CFAP70: variants seen among roughly 807,000 people sequenced by gnomAD.
The protein encoded by CFAP70 is cilia and flagella associated protein 70, also known as cilia- and flagella-associated protein 70.
CFAP70 carries 81 observed loss-of-function variants against 137.6 expected under a neutral mutation model. The ratio of observed to expected loss-of-function variants is 0.59; its 90% confidence interval spans 0.49 to 0.71. The LOEUF is 0.71. CFAP70 is among the 30% of genes least tolerant of loss of function. The pLI is 0.00. For synonymous variants in CFAP70, 382 were observed against 423.6 expected, an observed-to-expected ratio of 0.90 and a Z score of 1.20; for missense variants, 976 against 1,226.7, an observed-to-expected ratio of 0.80 and a Z score of 3.05.
At position 73,256,358 on chromosome 10, in the gene CFAP70, C is replaced by T. The variant is rs755961743; in HGVS notation, c.3075+11G>A. On this transcript the variant is annotated intron_variant, in intron 26 of 26. Coordinates refer to ENST00000310715, the Ensembl canonical transcript of CFAP70. Reference sequence around the variant, plus strand: ...TGGGGCAGGCAAATGACAGAGGCATCTGTGTCATACCTTGATCATGTACTT... The same window carrying T: ...TGGGGCAGGCAAATGACAGAGGCATTTGTGTCATACCTTGATCATGTACTT... 9 of 1,614,094 alleles carry T rather than the reference C, an allele frequency of 5.6e-6. No individual in the cohort carries two copies. The highest frequency in any genetic ancestry group is 7.6e-6 in the Non-Finnish European group (9 of 1,179,974).
intron 9 of CFAP70, among the ~76,000 whole-genome samples, chr10:73,313,406 G>A (rs2050090395): frequency 6.6e-6 from 1 of 150,550 alleles, no homozygotes; most frequent in Non-Finnish European, 1.5e-5. Context: ...AGCGAGGTAT[G>A]GTGGCACATG....
At chr10:73,259,170 A>C (rs2044868756) in intron 25 of CFAP70, among the ~76,000 whole-genome samples, 1 of 152,074 alleles carries the variant, frequency 6.6e-6, no homozygotes. Context: ...CCCAGATTTA[A>C]AATTTCTCCT....
At chr10:73,270,527 CTCCCCTCCCCTCCCCT>C (rs2133718119) in intron 24 of CFAP70, among the ~76,000 whole-genome samples, 1 of 50,602 alleles carries the variant, frequency 2.0e-5, no homozygotes, top group Non-Finnish European at 4.1e-5. Flanking sequence ...TCCCCTCCCC[CTCCCCTCCCCTCCCCT>C]TCCCTTCTCT....
intron 12 of CFAP70, among the ~76,000 whole-genome samples, chr10:73,309,630 C>A (rs1352153967): frequency 6.6e-6 from 1 of 150,400 alleles, no homozygotes; most frequent in African/African-American, 2.5e-5. Context: ...TTTTTATATA[C>A]TTTCTTGTTC....
At chr10:73,287,932 C>G (rs2047870952) in intron 19 of CFAP70, among the ~76,000 whole-genome samples, 3 of 152,016 alleles carry the variant, frequency 2.0e-5, no homozygotes, top group Admixed American at 1.3e-4. Flanking sequence ...GAGTCTGGCT[C>G]TGTCACCCAG....
At chr10:73,255,897 T>G (rs548352014) in intron 26 of CFAP70, among the ~76,000 whole-genome samples, 1 of 152,184 alleles carries the variant, frequency 6.6e-6, no homozygotes, top group Non-Finnish European at 1.5e-5. Context: ...CATTCACTTA[T>G]GTATCACCTA....
At position 73,278,271 on chromosome 10, in the gene CFAP70, G is replaced by T. The variant is rs2046946440; in HGVS notation, c.2306C>A (p.Ser769Ter). 6.2e-7 allele frequency: 1 copy of T among 1,613,894 alleles called. No homozygotes were observed. Among genetic ancestry groups the T allele is most frequent in the African/African-American group, 1.3e-5 (1 of 74,906 alleles). Residue 769 changes from serine to a stop codon, truncating the protein, a stop_gained, in exon 20 of 27, where the codon TCA (serine) becomes TAA (stop). Coordinates refer to ENST00000310715, the Ensembl canonical transcript of CFAP70. LOFTEE classifies it high-confidence loss of function. The stretch of plus-strand genomic sequence containing the variant: ...TTGTGTAGTCAAAATGGGTTCTTGT[G>T]AATCAGACTGCAGTTTGGAGGATTC...
At chr10:73,321,798 T>C (rs1283203253) in intron 9 of CFAP70, among the ~76,000 whole-genome samples, 1 of 152,192 alleles carries the variant, frequency 6.6e-6, no homozygotes, top group Admixed American at 6.5e-5. Context: ...ATATATATAT[T>C]TTTAAGACAG....
chr10:73,282,826 CTTT>C (rs1203127459), intron 19 of CFAP70, among the ~76,000 whole-genome samples: 6 of 90,922 alleles, frequency 6.6e-5, no homozygotes, highest in East Asian at 3.7e-4. Flanking sequence ...TTCCTGTTAT[CTTT>C]TTTTTTTTTT....
At position 73,336,110 on chromosome 10, in the gene CFAP70, T is replaced by A. The variant is rs2052631638; in HGVS notation, c.583-586A>T. Among the ~76,000 whole-genome samples, 4 of 151,398 alleles carry A rather than the reference T, an allele frequency of 2.6e-5. No homozygotes were observed. The South Asian group carries it at 6.3e-4, about 24-fold the overall frequency. Reference sequence around the variant, plus strand: ...GAGCCTCAATAATCGCACCATTGCATTCCAGCCTGGGTGACAGAGACCCTG... The same window carrying A: ...GAGCCTCAATAATCGCACCATTGCAATCCAGCCTGGGTGACAGAGACCCTG... On this transcript the variant is annotated intron_variant, in intron 6 of 26. Transcript: ENST00000310715.
Position 73,275,325 on chromosome 10 carries a change from G to A in CFAP70, c.2673+121C>T, listed in dbSNP as rs2046633370. The A allele has an allele frequency of 1.7e-6, 2 of 1,155,188 alleles. No individual in the cohort carries two copies. Among genetic ancestry groups the A allele is most frequent in the Non-Finnish European group, 2.4e-6 (2 of 823,888 alleles). 71.6% of individuals were successfully genotyped at this position (1,155,188 alleles called of 1,614,324 possible). A position where few individuals can be genotyped will look rare whatever the true frequency, so the allele number is the denominator to read the frequency against. Reference sequence around the variant, plus strand: ...AGCAAATGGAAGGGTATAGAGAGATGAGTTTACTGACAGCTGATGACCACC... The same window carrying A: ...AGCAAATGGAAGGGTATAGAGAGATAAGTTTACTGACAGCTGATGACCACC... On this transcript the variant is annotated intron_variant, in intron 22 of 26. Transcript: ENST00000310715. This position sits in a 1 kb window ranked among gnomAD's most constrained non-coding sequence, Gnocchi z 4.0.
At chr10:73,256,510 C>T in intron 25 of CFAP70, 94 bp from the exon 27 acceptor site, 1 of 1,302,440 alleles carries the variant, frequency 7.7e-7, no homozygotes, top group Non-Finnish European at 1.1e-6. Flanking sequence ...GCACCTACAC[C>T]TAAGGCAGAG....
At chr10:73,349,906 A>C (rs78116685) in intron 3 of CFAP70, among the ~76,000 whole-genome samples, 1,525 of 152,366 alleles carry the variant, frequency 0.01, 17 homozygotes, top group South Asian at 0.031. Flanking sequence ...TAAATACCAA[A>C]GTATACAAAT....
At chr10:73,285,775 C>T (rs779476336) in intron 19 of CFAP70, among the ~76,000 whole-genome samples, 3 of 151,700 alleles carry the variant, frequency 2.0e-5, no homozygotes, top group Non-Finnish European at 4.4e-5. Context: ...GCTGGGATTA[C>T]AGGCGCCCAC....
At chr10:73,253,835 G>T in exon 27 of CFAP70, 2 of 583,670 alleles carry the variant, frequency 3.4e-6, no homozygotes, top group Non-Finnish European at 5.7e-6. Flanking sequence ...CAGTAACACA[G>T]CCAATGGAAA....
intron 6 of CFAP70, among the ~76,000 whole-genome samples, chr10:73,340,007 G>A (rs1417371270): frequency 6.6e-6 from 1 of 152,248 alleles, no homozygotes; most frequent in African/African-American, 2.4e-5. Flanking sequence ...CAGGAAGAAT[G>A]AGGTACACAG....
intron 12 of CFAP70, among the ~76,000 whole-genome samples, chr10:73,303,008 C>T (rs2049078270): frequency 6.6e-6 from 1 of 150,890 alleles, no homozygotes; most frequent in African/African-American, 2.4e-5. Flanking sequence ...GCAACCCCAC[C>T]GCCCCCCACC....
At position 73,306,007 on chromosome 10, in the gene CFAP70, A is replaced by C. The variant is rs976897942; in HGVS notation, c.1256+4151T>G. On this transcript the variant is annotated intron_variant, in intron 12 of 26. Transcript: ENST00000310715. ...AGAAACAGAAATTATTTTTTAAAAA[A>C]ACAAGAAGTCTGGAGCTTAAAAGTA... 4.6e-5 allele frequency among the ~76,000 whole-genome samples: 7 copies of C among 152,274 alleles called. No homozygotes were observed. The South Asian group carries it at 1.0e-3, about 23-fold the overall frequency.
intron 24 of CFAP70, among the ~76,000 whole-genome samples, chr10:73,271,890 G>C (rs1322978665): frequency 5.5e-4 from 84 of 152,070 alleles, no homozygotes; most frequent in Admixed American, 5.5e-3. Context: ...TGTAGAGATG[G>C]GGGTCTTGCT....
Sources: gnomAD v4.1 joint callset for allele counts (sites outside exome capture counted in the v4.1 genomes callset) on GRCh38, gnomAD v4.1.1 for gene constraint, Gnocchi (gnomAD v3.1) non-coding constraint, MANE v1.5 for transcripts, NCBI Gene and HGNC (gene_info 2026-07-23, HGNC 2026-07-21) for gene names.